Variants in UBA6 observed in about 807,000 individuals in gnomAD.
UBA6 encodes ubiquitin like modifier activating enzyme 6, also known as ubiquitin-like modifier-activating enzyme 6.
UBA6 carries 87 observed loss-of-function variants against 148.3 expected under a neutral mutation model. The observed-to-expected ratio is 0.59, with a 90% confidence interval of 0.49 to 0.70. The LOEUF (loss-of-function observed/expected upper bound fraction) is 0.70, where lower values mean the gene tolerates loss of function less well. Ranked by LOEUF, UBA6 falls within the 30% of genes least tolerant of loss-of-function variation. UBA6 has a pLI of 0.00. For missense variants in UBA6, 1,186 were observed against 1,241.2 expected (o/e 0.96, Z 0.67); for synonymous variants, 376 against 401.0 (o/e 0.94, Z 0.75).
At chr4:67,647,503 G>GATATAT (rs1381447194) in intron 14 of UBA6, among the ~76,000 whole-genome samples, 5 of 151,814 alleles carry the variant, frequency 3.3e-5, no homozygotes, top group African/African-American at 1.2e-4. Flanking sequence ...TTTCAGCTTG[G>GATATAT]ATATATAATC....
At chr4:67,654,861 A>AG (rs1729646754) in intron 13 of UBA6, among the ~76,000 whole-genome samples, 2 of 87,040 alleles carry the variant, frequency 2.3e-5, no homozygotes, top group Admixed American at 1.2e-4. Flanking sequence ...GCAAATGGAA[A>AG]GAAAAAAAAA....
intron 9 of UBA6, among the ~76,000 whole-genome samples, chr4:67,666,901 A>G (rs1386030308): frequency 6.6e-6 from 1 of 152,140 alleles, no homozygotes; most frequent in Admixed American, 6.6e-5. Flanking sequence ...AACAAACGAA[A>G]AAACAAAAAA....
chr4:67,649,230 A>G lies in UBA6; in HGVS notation c.1105-19T>C, dbSNP rs753379432. The G allele has an allele frequency of 7.5e-6, 12 of 1,596,362 alleles. No homozygotes were observed. The South Asian group carries it at 1.4e-4, about 18-fold the overall frequency. ...CATCAGGCTAAAACAAAAGCCATAA[A>G]AGACAATAACATTAACAGCATTTAC... On this transcript the variant is annotated intron_variant, in intron 13 of 32. Coordinates refer to ENST00000322244, the MANE Select transcript of UBA6 (RefSeq NM_018227.6).
intron 13 of UBA6, among the ~76,000 whole-genome samples, 157 bp from the exon 14 acceptor site, chr4:67,649,368 C>A (rs1205946471): frequency 5.3e-5 from 8 of 152,214 alleles, no homozygotes; most frequent in Non-Finnish European, 1.2e-4. Context: ...TTCATGATAA[C>A]AGACCCATTT....
At chr4:67,659,423 A>C (rs1385570586) in intron 13 of UBA6, among the ~76,000 whole-genome samples, 1 of 151,882 alleles carries the variant, frequency 6.6e-6, no homozygotes, top group Non-Finnish European at 1.5e-5. Flanking sequence ...GTTTCACGAG[A>C]TCTGACAGTT....
intron 1 of UBA6, among the ~76,000 whole-genome samples, chr4:67,700,411 T>C (rs1368187268): frequency 6.6e-6 from 1 of 152,136 alleles, no homozygotes; most frequent in Non-Finnish European, 1.5e-5. Context: ...AACCAAGAAA[T>C]TGGTAAAGGC....
At chr4:67,624,485 A>ATCC (rs1728821625) in intron 29 of UBA6, among the ~76,000 whole-genome samples, 1 of 152,124 alleles carries the variant, frequency 6.6e-6, no homozygotes, top group African/African-American at 2.4e-5. Flanking sequence ...AAAAAATATT[A>ATCC]ATTCAACCAT....
Position 67,616,309 on chromosome 4 carries a change from A to AT in UBA6, c.*2687dup, listed in dbSNP as rs1045640119. Reference sequence around the variant, plus strand: ...ATAGTGGAAAGATTTAGGTCACGAGATTTTTTTTTTCCCTAAAAATTTCAA... The same window carrying AT: ...ATAGTGGAAAGATTTAGGTCACGAGATTTTTTTTTTTCCCTAAAAATTTCAA... On this transcript the variant is annotated 3_prime_UTR_variant, in exon 33 of 33. Coordinates refer to ENST00000322244, the MANE Select transcript of UBA6 (RefSeq NM_018227.6). 614 of 360,352 alleles carry AT rather than the reference A, an allele frequency of 1.7e-3. No homozygotes were observed. Among genetic ancestry groups the AT allele is most frequent in the Middle Eastern group, 2.8e-3 (4 of 1,412 alleles). The allele number at this position is 360,352 out of a possible 1,614,324, so 22.3% of individuals were successfully genotyped here.
chr4:67,663,091 C>A (rs1577820480), intron 12 of UBA6, 48 bp downstream of exon 12: 1 of 1,381,768 alleles, frequency 7.2e-7, no homozygotes, highest in South Asian at 1.3e-5. Flanking sequence ...TTCTGAACTA[C>A]TACTTTTATA....
At chr4:67,640,781 A>C (rs2109912393) in intron 18 of UBA6, among the ~76,000 whole-genome samples, 1 of 152,364 alleles carries the variant, frequency 6.6e-6, no homozygotes, top group South Asian at 2.1e-4. Flanking sequence ...CTAAGTGCTA[A>C]ACTTTTATCT....
chr4:67,679,927 C>T (rs1560498919), intron 4 of UBA6, among the ~76,000 whole-genome samples: 1 of 151,972 alleles, frequency 6.6e-6, no homozygotes, highest in Admixed American at 6.6e-5. Flanking sequence ...ACCACAATAA[C>T]CAAAGATGGA....
intron 1 of UBA6, among the ~76,000 whole-genome samples, chr4:67,697,954 G>A (rs561422456): frequency 5.3e-5 from 8 of 152,158 alleles, no homozygotes; most frequent in Non-Finnish European, 1.0e-4. Flanking sequence ...CACTATGCTT[G>A]AGAGGGCCAA....
intron 14 of UBA6, 75 bp downstream of exon 14, chr4:67,648,993 T>C: frequency 1.4e-6 from 2 of 1,476,498 alleles, no homozygotes; most frequent in Non-Finnish European, 9.1e-7. Context: ...TTCTAATATA[T>C]TAATACTACA....
intron 13 of UBA6, among the ~76,000 whole-genome samples, chr4:67,655,608 C>T (rs1213167340): frequency 3.3e-5 from 5 of 152,080 alleles, no homozygotes; most frequent in East Asian, 3.8e-4. Context: ...AAATCGACAC[C>T]TTAACATCAC....
chr4:67,646,037 CA>C, intron 15 of UBA6, 21 bp from the exon 16 acceptor site: 4 of 1,405,722 alleles, frequency 2.8e-6, no homozygotes, highest in Non-Finnish European at 9.7e-7. Context: ...TAACATATAC[CA>C]AAAAGCAGAA....
chr4:67,631,717 T>G lies in UBA6; in HGVS notation c.2249A>C (p.Asn750Thr), dbSNP rs75907281. 4.4e-5 allele frequency: 70 copies of G among 1,607,766 alleles called. No homozygotes were observed. In the East Asian group the frequency reaches 1.5e-3, roughly 35 times the overall value. The change falls in exon 25 of 33, where the codon AAT becomes ACT. Residue 750 changes from asparagine (N) to threonine (T), a missense_variant. By Grantham distance (65) the Asn-to-Thr change is moderately conservative. Transcript: ENST00000322244. Reference protein sequence around the residue: ...RPPSPIKFDLNEPLHLSFLQN... With the variant: ...RPPSPIKFDLTEPLHLSFLQN... ...AAATATAAATACTTACAAAGGCTCATTTAAATCAAATTTTATTGGAGAGGG... is the reference window on the plus strand; with the variant it reads ...AAATATAAATACTTACAAAGGCTCAGTTAAATCAAATTTTATTGGAGAGGG...
At chr4:67,654,011 A>G (rs963065572) in intron 13 of UBA6, among the ~76,000 whole-genome samples, 3 of 152,202 alleles carry the variant, frequency 2.0e-5, no homozygotes, top group Admixed American at 1.3e-4. Flanking sequence ...GAAATGAACA[A>G]AGCCTCCAAG....
In UBA6 at chr4:67,624,314, G is replaced by A. The variant is rs1051332584; in HGVS notation, c.2713-61C>T. On this transcript the variant is annotated intron_variant, in intron 29 of 32. Coordinates refer to ENST00000322244, the MANE Select transcript of UBA6 (RefSeq NM_018227.6). Reference sequence around the variant, plus strand: ...CCTAAAACTATCCGTGATTTTAATTGCATCTATTCAACTTTCACGTTTTCA... The same window carrying A: ...CCTAAAACTATCCGTGATTTTAATTACATCTATTCAACTTTCACGTTTTCA... 21 of 1,478,406 alleles carry A rather than the reference G, an allele frequency of 1.4e-5. No homozygotes were observed. The African/African-American group carries it at 2.7e-4, about 19-fold the overall frequency. 91.6% of individuals were successfully genotyped at this position (1,478,406 alleles called of 1,614,324 possible).
chr4:67,676,501 A>G (rs1730284694), intron 6 of UBA6, among the ~76,000 whole-genome samples: 1 of 152,166 alleles, frequency 6.6e-6, no homozygotes, highest in African/African-American at 2.4e-5. Context: ...ATTGGTAAAG[A>G]TTGTTCTTGT....
Sources: gnomAD v4.1 joint callset for allele counts (sites outside exome capture counted in the v4.1 genomes callset) on GRCh38, gnomAD v4.1.1 for gene constraint, MANE v1.5 for transcripts, NCBI Gene and HGNC (gene_info 2026-07-23, HGNC 2026-07-21) for gene names.